The following MDN1 variants were observed in gnomAD, a reference collection of about 807,000 sequenced individuals.
MDN1 encodes the protein midasin.
MDN1 carries 266 observed loss-of-function variants against 669.2 expected under a neutral mutation model. That is an observed-to-expected ratio of 0.40 (90% CI 0.36 to 0.44). The LOEUF (loss-of-function observed/expected upper bound fraction) is 0.44, where lower values mean the gene tolerates loss of function less well. Among genes scored for constraint, MDN1 ranks in the 20% least tolerant of loss-of-function variants. The pLI, the probability that MDN1 is intolerant of heterozygous loss-of-function variation, is 1.00. For synonymous variants in MDN1, 2,385 were observed against 2,457.1 expected, an observed-to-expected ratio of 0.97 and a Z score of 0.87; for missense variants, 5,940 against 6,754.0, an observed-to-expected ratio of 0.88 and a Z score of 4.22.
At chr6:89,745,706 A>G in intron 27 of MDN1, 80 bp from the exon 28 acceptor site, 1 of 1,407,078 alleles carries the variant, frequency 7.1e-7, no homozygotes, top group Admixed American at 2.2e-5. Flanking sequence ...AGAATATGAA[A>G]CAATAGAAAC....
intron 53 of MDN1, among the ~76,000 whole-genome samples, chr6:89,702,717 C>A (rs147197392): frequency 1.3e-5 from 2 of 152,222 alleles, no homozygotes; most frequent in East Asian, 3.9e-4. Flanking sequence ...ACAGTATGTT[C>A]ATAAAGGTAT....
intron 33 of MDN1, among the ~76,000 whole-genome samples, chr6:89,734,691 A>AAGAGAGAGAGAGAGAGAGAGAG (rs1554188772): frequency 5.3e-5 from 6 of 112,986 alleles, no homozygotes; most frequent in East Asian, 3.4e-4. Context: ...AAAAAAAAAC[A>AAGAGAGAGAGAGAGAGAGAGAG]AGAGAGAGAG....
intron 99 of MDN1, among the ~76,000 whole-genome samples, chr6:89,647,305 C>A (rs117864219): frequency 0.011 from 1,619 of 152,274 alleles, 16 homozygotes; most frequent in Admixed American, 0.018. Flanking sequence ...CTAGAAAAAG[C>A]AAACTGAATC....
At chr6:89,815,114 G>A (rs1191879363) in intron 1 of MDN1, 14 of 410,724 alleles carry the variant, frequency 3.4e-5, no homozygotes, top group South Asian at 1.8e-4. Flanking sequence ...GCTGTATGGA[G>A]CTGCCCCTGA....
At chr6:89,676,303 A>G (rs1312664130) in intron 76 of MDN1, 96 bp from the exon 77 acceptor site, 1 of 1,019,132 alleles carries the variant, frequency 9.8e-7, no homozygotes, top group Non-Finnish European at 1.5e-6. Flanking sequence ...GCCATAACCA[A>G]GAGTCAGCTG....
At chr6:89,697,092 G>T (rs1260233345) in intron 59 of MDN1, among the ~76,000 whole-genome samples, 3 of 152,200 alleles carry the variant, frequency 2.0e-5, no homozygotes, top group Non-Finnish European at 4.4e-5. Context: ...GCTTTGAGGG[G>T]TGTTTTACAA....
At chr6:89,734,900 T>TG (rs1379660019) in intron 33 of MDN1, among the ~76,000 whole-genome samples, 1 of 96,356 alleles carries the variant, frequency 1.0e-5, no homozygotes, top group Admixed American at 9.6e-5. Flanking sequence ...TTCTTGGTTG[T>TG]TTTTTTTTTT....
At position 89,696,547 on chromosome 6, in the gene MDN1, A is replaced by T; in HGVS notation, c.9196T>A (p.Phe3066Ile). Residue 3066 changes from phenylalanine (F) to isoleucine (I), a missense_variant, in exon 60 of 102, where the codon TTC becomes ATC. This residue lies in a region of MDN1 where 2,292 missense variants were observed against 2,638.3 expected (regional missense o/e 0.87). Transcript: ENST00000369393. The part of the protein sequence containing the change: ...KGPGNLNRPI[F>I]SKCCFEVLTS... ...AAGACTTCAAAGCAGCACTTAGAGA[A>T]TATGGGTCTATTGAGATTGCCGGGG... The T allele has an allele frequency of 6.2e-7, 1 of 1,614,168 alleles. No individual in the cohort carries two copies. The highest frequency in any genetic ancestry group is 8.5e-7 in the Non-Finnish European group (1 of 1,179,994).
At position 89,678,340 on chromosome 6, in the gene MDN1, AAATT is replaced by A. The variant is rs377108060; in HGVS notation, c.12412+255_12412+258del. 1.3e-3 allele frequency among the ~76,000 whole-genome samples: 191 copies of A among 152,294 alleles called. 2 individuals are homozygous for A. The highest frequency in any genetic ancestry group is 4.4e-3 in the African/African-American group (182 of 41,544). ...AGCGAGACTCAGTCTCAAAAAAATA[AAATT>A]AATTAAATAAATAAATAAAAATATA... On this transcript the variant is annotated intron_variant, in intron 75 of 101. Transcript: ENST00000369393.
At chr6:89,777,018 G>C (rs1818390542) in intron 11 of MDN1, among the ~76,000 whole-genome samples, 1 of 152,174 alleles carries the variant, frequency 6.6e-6, no homozygotes, top group Non-Finnish European at 1.5e-5. Flanking sequence ...CATGGTTCAA[G>C]GAGAACTGAC....
At chr6:89,719,265 C>G (rs1333885399) in intron 40 of MDN1, 40 bp from the exon 41 acceptor site, 2 of 1,529,822 alleles carry the variant, frequency 1.3e-6, no homozygotes, top group South Asian at 1.1e-5. Context: ...ACAAATCACT[C>G]CACCTAATTC....
chr6:89,800,782 A>C (rs914282771), intron 2 of MDN1, among the ~76,000 whole-genome samples: 7 of 152,118 alleles, frequency 4.6e-5, no homozygotes, highest in African/African-American at 1.4e-4. Flanking sequence ...GGGGGTGTGC[A>C]GGGGAGGAAT....
At chr6:89,690,200 G>A in intron 64 of MDN1, 57 bp from the exon 65 acceptor site, 1 of 1,527,528 alleles carries the variant, frequency 6.5e-7, no homozygotes, top group Non-Finnish European at 8.9e-7. Flanking sequence ...CTTCTAATCA[G>A]ACTAAAAGGA....
At chr6:89,710,595 C>T in intron 50 of MDN1, 86 bp downstream of exon 50, 1 of 662,508 alleles carries the variant, frequency 1.5e-6, no homozygotes, top group Non-Finnish European at 2.5e-6. Context: ...TATGTTGAGA[C>T]CTCTAACAGG....
rs1808797694 is a variant in MDN1 at position 89,650,802 on chromosome 6, CTGT to C, written c.15958_15960del (p.Thr5320del). ...TCACATAACCGTTGTGAAAGAGGCGCTGTTAAGATCAGGTAACTCTGCCACATC... is the reference window on the plus strand; with the variant it reads ...TCACATAACCGTTGTGAAAGAGGCGCTAAGATCAGGTAACTCTGCCACATC... On this transcript the variant is annotated inframe_deletion, in exon 96 of 102. Coordinates refer to ENST00000369393, the MANE Select transcript of MDN1 (RefSeq NM_014611.3). 6.2e-7 allele frequency: 1 copy of C among 1,614,040 alleles called. No homozygotes were observed. The highest frequency in any genetic ancestry group is 1.7e-5 in the Admixed American group (1 of 60,006).
In MDN1 at chr6:89,688,562, A is replaced by G. The variant is rs1187508479; in HGVS notation, c.11259+11T>C. 8 of 1,610,264 alleles carry G rather than the reference A, an allele frequency of 5.0e-6. No individual in the cohort carries two copies. Among genetic ancestry groups the G allele is most frequent in the Non-Finnish European group, 5.1e-6 (6 of 1,177,530 alleles). On this transcript the variant is annotated intron_variant, in intron 66 of 101. Coordinates refer to ENST00000369393, the MANE Select transcript of MDN1 (RefSeq NM_014611.3). ...GTACTGTGAGCACTCCTTCCTCAACAGCTGCCCTACCTGTTCAAGCGCTGG... is the reference window on the plus strand; with the variant it reads ...GTACTGTGAGCACTCCTTCCTCAACGGCTGCCCTACCTGTTCAAGCGCTGG...
At chr6:89,653,203 A>G (rs1809002649) in intron 93 of MDN1, 48 bp from the exon 94 acceptor site, 1 of 1,557,416 alleles carries the variant, frequency 6.4e-7, no homozygotes. Context: ...TAGCCTGATG[A>G]CTGACCAAGC....
chr6:89,798,181 C>CAAAA (rs10706907), intron 2 of MDN1, among the ~76,000 whole-genome samples: 1,782 of 70,860 alleles, frequency 0.025, 29 homozygotes, highest in Middle Eastern at 0.049. Context: ...GACTCTGTCT[C>CAAAA]AAAAAAAAAA....
chr6:89,781,600 AG>A lies in MDN1; in HGVS notation c.1450-9del. 1 of 1,549,778 alleles carries A rather than the reference AG, an allele frequency of 6.5e-7. No homozygotes were observed. The highest frequency in any genetic ancestry group is 2.1e-5 in the Admixed American group (1 of 46,950). ...ATATCTGCTCTGAAGAACCTGACAGAGGGGGAAAAAAAAGAAAATTTAACAG... is the reference window on the plus strand; with the variant it reads ...ATATCTGCTCTGAAGAACCTGACAGAGGGGAAAAAAAAGAAAATTTAACAG... On this transcript the variant is annotated splice_polypyrimidine_tract_variant and intron_variant, in intron 9 of 101. Coordinates refer to ENST00000369393, the MANE Select transcript of MDN1 (RefSeq NM_014611.3).
Sources: allele counts gnomAD v4.1 joint callset (sites outside exome capture counted in the v4.1 genomes callset), GRCh38; gene constraint gnomAD v4.1.1; regional missense constraint gnomAD v4.1.1; transcripts MANE v1.5; gene names NCBI Gene and HGNC (gene_info 2026-07-23, HGNC 2026-07-21).